The following FERMT2 variants were observed in gnomAD, a reference collection of about 807,000 sequenced individuals.
The protein encoded by FERMT2 is FERM domain containing kindlin 2, also known as fermitin family homolog 2.
A neutral mutation model predicts 82.7 loss-of-function variants in FERMT2; 15 were observed. That is an observed-to-expected ratio of 0.18 (90% CI 0.12 to 0.28). The LOEUF (loss-of-function observed/expected upper bound fraction) is 0.28. FERMT2 is among the 10% of genes least tolerant of loss of function. The probability of loss-of-function intolerance (pLI) is 1.00; values close to 1 mark genes in which losing one functional copy is unlikely to be tolerated. For missense variants in FERMT2, 645 were observed against 809.4 expected, an observed-to-expected ratio of 0.80 and a Z score of 2.46; for synonymous variants, 274 against 271.5, an observed-to-expected ratio of 1.01 and a Z score of -0.09.
At chr14:52,917,273 T>C (rs1888668092) in intron 3 of FERMT2, among the ~76,000 whole-genome samples, 1 of 146,722 alleles carries the variant, frequency 6.8e-6, no homozygotes, top group South Asian at 2.2e-4. Context: ...CAGAGATACG[T>C]GTGTGTGTGT....
chr14:52,899,237 C>G (rs568608317), intron 3 of FERMT2, among the ~76,000 whole-genome samples: 1 of 152,016 alleles, frequency 6.6e-6, no homozygotes, highest in Non-Finnish European at 1.5e-5. Context: ...AGGGCTCTAG[C>G]GGCTTGTTTT....
intron 4 of FERMT2, among the ~76,000 whole-genome samples, chr14:52,891,210 T>C (rs1434682647): frequency 6.6e-6 from 1 of 152,204 alleles, no homozygotes; most frequent in Non-Finnish European, 1.5e-5. Context: ...ATGTTCTTTG[T>C]TAGTATCATT....
At chr14:52,930,349 C>T (rs1350356170) in intron 2 of FERMT2, among the ~76,000 whole-genome samples, 2 of 152,176 alleles carry the variant, frequency 1.3e-5, no homozygotes, top group Non-Finnish European at 2.9e-5. Flanking sequence ...CAGAAAAACA[C>T]TACATAGTTA....
chr14:52,865,374 C>T (rs559621152), intron 10 of FERMT2, among the ~76,000 whole-genome samples: 8 of 152,246 alleles, frequency 5.3e-5, no homozygotes, highest in African/African-American at 1.9e-4. Flanking sequence ...ATTTACTGAA[C>T]TAGGTGTTAG....
At chr14:52,880,441 C>A (rs1452401255) in intron 6 of FERMT2, among the ~76,000 whole-genome samples, 1 of 152,034 alleles carries the variant, frequency 6.6e-6, no homozygotes, top group African/African-American at 2.4e-5. Context: ...CCCTGTTGCC[C>A]AGGCCGGAAT....
In FERMT2 at chr14:52,857,878, A is replaced by G. The variant is rs1399748103; in HGVS notation, c.*499T>C. 6.5e-6 allele frequency: 1 copy of G among 154,522 alleles called. No individual in the cohort carries two copies. Among genetic ancestry groups the G allele is most frequent in the African/African-American group, 2.4e-5 (1 of 41,460 alleles). 9.6% of individuals were successfully genotyped at this position (154,522 alleles called of 1,614,324 possible). ...GCATTTTCCTTCAAGGTCAAACACA[A>G]TGACATTACTAAATATCAGGCCTCC... On this transcript the variant is annotated 3_prime_UTR_variant, in exon 15 of 15. Coordinates refer to ENST00000341590, the MANE Select transcript of FERMT2 (RefSeq NM_006832.3).
At chr14:52,946,524 G>C (rs568892400) in intron 2 of FERMT2, among the ~76,000 whole-genome samples, 1 of 152,034 alleles carries the variant, frequency 6.6e-6, no homozygotes, top group East Asian at 1.9e-4. Flanking sequence ...GTGGTGGTGC[G>C]TGCCTGTAGT....
At chr14:52,860,320 T>A in intron 13 of FERMT2, 21 bp downstream of exon 13, 1 of 1,611,558 alleles carries the variant, frequency 6.2e-7, no homozygotes, top group Non-Finnish European at 8.5e-7. Context: ...GGTTTACACA[T>A]AGATGCTTAG....
At chr14:52,950,042 TA>T (rs1181424129) in intron 2 of FERMT2, among the ~76,000 whole-genome samples, 3 of 152,200 alleles carry the variant, frequency 2.0e-5, no homozygotes, top group Non-Finnish European at 4.4e-5. Context: ...GCTGAAGACA[TA>T]GATAACCACG....
At chr14:52,933,584 C>T (rs1343640662) in intron 2 of FERMT2, among the ~76,000 whole-genome samples, 2 of 151,594 alleles carry the variant, frequency 1.3e-5, no homozygotes, top group African/African-American at 2.4e-5. Flanking sequence ...GTGGCACATG[C>T]CTGTAATCCC....
At chr14:52,865,975 C>T (rs1209743910) in intron 10 of FERMT2, among the ~76,000 whole-genome samples, 1 of 152,144 alleles carries the variant, frequency 6.6e-6, no homozygotes, top group Non-Finnish European at 1.5e-5. Flanking sequence ...TCCTTTTATA[C>T]AGGCTTTAGA....
Position 52,860,334 on chromosome 14 carries a change from C to T in FERMT2, c.1727+7G>A, listed in dbSNP as rs757030080. 6.2e-7 allele frequency: 1 copy of T among 1,613,144 alleles called. No homozygotes were observed. The highest frequency in any genetic ancestry group is 1.1e-5 in the South Asian group (1 of 90,892). The stretch of plus-strand genomic sequence containing the variant: ...AGGTTTACACATAGATGCTTAGAAC[C>T]ACTGACCTTGCAATGAAGTGAGTGA... On this transcript the variant is annotated splice_region_variant and intron_variant, in intron 13 of 14. Transcript: ENST00000341590.
intron 2 of FERMT2, chr14:52,948,418 A>T: frequency 3.0e-6 from 1 of 329,732 alleles, no homozygotes; most frequent in Non-Finnish European, 5.9e-6. Flanking sequence ...TCTAATCCTA[A>T]AAACCAAAAG....
chr14:52,858,669 A>C, intron 14 of FERMT2, 119 bp from the exon 15 acceptor site: 1 of 882,118 alleles, frequency 1.1e-6, no homozygotes, highest in Non-Finnish European at 1.7e-6. Context: ...TCCTCAAATG[A>C]TCAGTCTGTC....
intron 7 of FERMT2, 151 bp downstream of exon 7, chr14:52,878,431 T>A (rs963874517): frequency 1.8e-6 from 1 of 564,378 alleles, no homozygotes; most frequent in Non-Finnish European, 3.1e-6. Flanking sequence ...AAAATGTATT[T>A]GTTTTGCTTT....
chr14:52,900,367 C>T (rs199786055), intron 3 of FERMT2, among the ~76,000 whole-genome samples: 1 of 44,196 alleles, frequency 2.3e-5, no homozygotes, highest in Non-Finnish European at 4.8e-5. Context: ...TATATAAATA[C>T]TATACATATA....
chr14:52,934,207 A>C (rs1889730746), intron 2 of FERMT2, among the ~76,000 whole-genome samples: 1 of 152,234 alleles, frequency 6.6e-6, no homozygotes, highest in Admixed American at 6.5e-5. Context: ...CTTAATAATC[A>C]ATTGAAAAAT....
At chr14:52,928,188 C>T in intron 2 of FERMT2, 1 of 237,202 alleles carries the variant, frequency 4.2e-6, no homozygotes, top group Non-Finnish European at 9.2e-6. Flanking sequence ...TCTCACACGT[C>T]CATAAACTAG....
chr14:52,882,253 CAAAT>C (rs750279886), intron 4 of FERMT2, among the ~76,000 whole-genome samples: 29 of 151,696 alleles, frequency 1.9e-4, no homozygotes, highest in Non-Finnish European at 3.2e-4. Context: ...TGGGGTACAA[CAAAT>C]AAAGTATTAA....
Sources: allele counts gnomAD v4.1 joint callset (sites outside exome capture counted in the v4.1 genomes callset), GRCh38; gene constraint gnomAD v4.1.1; transcripts MANE v1.5; gene names NCBI Gene and HGNC (gene_info 2026-07-23, HGNC 2026-07-21).